Variants in TRIP4 observed in about 807,000 individuals in gnomAD.
TRIP4 encodes activating signal cointegrator 1.
In TRIP4, 54 loss-of-function variants were observed where a neutral mutation model predicts 81.8. The observed-to-expected ratio is 0.66, with a 90% confidence interval of 0.53 to 0.83. TRIP4 has a LOEUF of 0.83. TRIP4 is among the 40% of genes least tolerant of loss of function. TRIP4 has a pLI of 0.00. For synonymous variants in TRIP4, 270 were observed against 242.8 expected (o/e 1.11, Z -1.04); for missense variants, 662 against 683.6 (o/e 0.97, Z 0.35).
chr15:64,401,676 T>C (rs964247142), intron 5 of TRIP4, among the ~76,000 whole-genome samples: 75 of 152,156 alleles, frequency 4.9e-4, no homozygotes, highest in African/African-American at 1.8e-3. Flanking sequence ...CTAAATAAAA[T>C]TAATATCCAT....
Position 64,414,101 on chromosome 15 carries a change from C to T in TRIP4, c.1060C>T (p.Gln354Ter), listed in dbSNP as rs778574742. ...EYHSRLDETIQAIANGTLNQP... is the reference protein window; with the variant it reads ...EYHSRLDETI ...TTATCACAGACTAGATGAGACAATACAGGCCATTGCCAATGGAACCTTGAA... is the reference window on the plus strand; with the variant it reads ...TTATCACAGACTAGATGAGACAATATAGGCCATTGCCAATGGAACCTTGAA... Residue 354 changes from glutamine to a stop codon, truncating the protein, a stop_gained, in exon 8 of 13, where the codon CAG (glutamine) becomes TAG (stop). Coordinates refer to ENST00000261884, the MANE Select transcript of TRIP4 (RefSeq NM_016213.5). LOFTEE classifies it high-confidence loss of function. The T allele has an allele frequency of 1.2e-6, 2 of 1,614,056 alleles. No individual in the cohort carries two copies. The highest frequency in any genetic ancestry group is 2.7e-5 in the African/African-American group (2 of 75,030).
At chr15:64,405,907 G>A (rs115642800) in intron 5 of TRIP4, among the ~76,000 whole-genome samples, 1,989 of 152,186 alleles carry the variant, frequency 0.013, 34 homozygotes, top group African/African-American at 0.046. Flanking sequence ...TGGAAGGATC[G>A]CCTGAGCCTA....
At chr15:64,425,445 G>T in intron 10 of TRIP4, 95 bp from the exon 11 acceptor site, 1 of 1,079,366 alleles carries the variant, frequency 9.3e-7, no homozygotes, top group Non-Finnish European at 1.4e-6. Context: ...AATGGAAAAA[G>T]TTATTAATGT....
chr15:64,392,357 A>G (rs1030958815), intron 1 of TRIP4, among the ~76,000 whole-genome samples: 9 of 152,154 alleles, frequency 5.9e-5, no homozygotes, highest in African/African-American at 2.2e-4. Flanking sequence ...CAGTTTTGCA[A>G]GTCTTTGATA....
intron 11 of TRIP4, among the ~76,000 whole-genome samples, chr15:64,431,847 A>ATTTTTTTTTTTTTTTTTTTTTTT (rs1555411171): frequency 8.4e-6 from 1 of 119,558 alleles, no homozygotes; most frequent in African/African-American, 3.3e-5. Context: ...ATATATATAT[A>ATTTTTTTTTTTTTTTTTTTTTTT]TTTTTTTTAT....
chr15:64,401,941 G>C (rs1054401433), intron 5 of TRIP4, among the ~76,000 whole-genome samples: 1 of 152,178 alleles, frequency 6.6e-6, no homozygotes, highest in African/African-American at 2.4e-5. Context: ...GATCAGAGTA[G>C]ATTAAGGATA....
chr15:64,428,153 G>A (rs968485089), intron 11 of TRIP4, among the ~76,000 whole-genome samples: 5 of 152,050 alleles, frequency 3.3e-5, no homozygotes, highest in Admixed American at 6.6e-5. Context: ...TTTGGCAAGC[G>A]GCCTTGCTTT....
At chr15:64,407,632 A>C (rs1891658024) in intron 6 of TRIP4, among the ~76,000 whole-genome samples, 2 of 152,026 alleles carry the variant, frequency 1.3e-5, no homozygotes, top group African/African-American at 4.8e-5. Flanking sequence ...GTGCCACTGC[A>C]CTCCAGCCTG....
intron 12 of TRIP4, among the ~76,000 whole-genome samples, chr15:64,453,276 G>C (rs1892812889): frequency 6.6e-6 from 1 of 152,224 alleles, no homozygotes; most frequent in African/African-American, 2.4e-5. Context: ...CTAAAAAGCT[G>C]AATGGGACTC....
At chr15:64,408,673 A>C (rs1037856487) in intron 6 of TRIP4, among the ~76,000 whole-genome samples, 2 of 152,142 alleles carry the variant, frequency 1.3e-5, no homozygotes, top group Admixed American at 6.6e-5. Context: ...TTATGGGGAA[A>C]CGTAATCTTA....
chr15:64,419,213 G>C (rs1891953278), intron 9 of TRIP4, among the ~76,000 whole-genome samples: 1 of 152,096 alleles, frequency 6.6e-6, no homozygotes, highest in African/African-American at 2.4e-5. Context: ...ATAATATTGA[G>C]AAACTATTTT....
At chr15:64,391,155 CTTTTT>C (rs1020648378) in intron 1 of TRIP4, among the ~76,000 whole-genome samples, 1 of 146,764 alleles carries the variant, frequency 6.8e-6, no homozygotes, top group South Asian at 2.2e-4. Context: ...GAGCTATTAA[CTTTTT>C]TTTTTTTCTT....
intron 5 of TRIP4, among the ~76,000 whole-genome samples, chr15:64,401,303 G>A (rs546030829): frequency 6.6e-6 from 1 of 151,984 alleles, no homozygotes; most frequent in African/African-American, 2.4e-5. Flanking sequence ...CCTGGCTAAT[G>A]TTTTGTATTT....
intron 1 of TRIP4, 173 bp downstream of exon 1, chr15:64,388,137 A>G (rs2140540733): frequency 8.4e-7 from 1 of 1,190,900 alleles, no homozygotes; most frequent in Non-Finnish European, 1.1e-6. Flanking sequence ...AGTTTCTGGA[A>G]TAGGGTGTCC....
intron 9 of TRIP4, among the ~76,000 whole-genome samples, chr15:64,421,019 T>G (rs180794585): frequency 2.6e-5 from 4 of 151,722 alleles, no homozygotes; most frequent in Admixed American, 1.3e-4. Flanking sequence ...CCCATAAGAT[T>G]AGAATACCGG....
intron 7 of TRIP4, among the ~76,000 whole-genome samples, chr15:64,413,375 C>G (rs1891813669): frequency 6.6e-6 from 1 of 151,842 alleles, no homozygotes; most frequent in Non-Finnish European, 1.5e-5. Context: ...CAGGGTCTCT[C>G]TATGTTGCCC....
chr15:64,396,784 A>G (rs1350114391), intron 3 of TRIP4, among the ~76,000 whole-genome samples: 1 of 152,228 alleles, frequency 6.6e-6, no homozygotes, highest in East Asian at 1.9e-4. Flanking sequence ...TGTTTAGTAT[A>G]TATCTAGGAG....
intron 2 of TRIP4, among the ~76,000 whole-genome samples, chr15:64,394,591 C>T (rs146321040): frequency 0.026 from 3,509 of 133,338 alleles, 137 homozygotes; most frequent in African/African-American, 0.095. Flanking sequence ...GGCGACAGAG[C>T]GAGACTCCAT....
intron 1 of TRIP4, among the ~76,000 whole-genome samples, chr15:64,388,296 T>TTTTA (rs1301445503): frequency 6.6e-6 from 1 of 152,112 alleles, no homozygotes; most frequent in Non-Finnish European, 1.5e-5. Context: ...CCCCTTACTC[T>TTTTA]TTTATTTATT....
Sources: gnomAD v4.1 joint callset for allele counts (sites outside exome capture counted in the v4.1 genomes callset) on GRCh38, gnomAD v4.1.1 for gene constraint, MANE v1.5 for transcripts, NCBI Gene and HGNC (gene_info 2026-07-23, HGNC 2026-07-21) for gene names.